NRXN3: variants seen among roughly 807,000 people sequenced by gnomAD.
NRXN3 encodes the protein neurexin 3, also known as neurexin III.
NRXN3 carries 32 observed loss-of-function variants against 137.6 expected under a neutral mutation model. The observed-to-expected ratio is 0.23, with a 90% CI of 0.18 to 0.31. The LOEUF is 0.31. Among genes scored for constraint, NRXN3 ranks in the 10% least tolerant of loss-of-function variants. NRXN3 has a pLI of 1.00. For missense variants in NRXN3, 1,574 were observed against 2,062.5 expected (o/e 0.76, Z 4.59); for synonymous variants, 798 against 784.5 (o/e 1.02, Z -0.29).
intron 16 of NRXN3, among the ~76,000 whole-genome samples, chr14:79,582,014 C>T (rs2097721088): frequency 6.6e-6 from 1 of 152,256 alleles, no homozygotes; most frequent in Admixed American, 6.5e-5. Context: ...TCAGCCTTGG[C>T]CTCCCAGGCT....
In NRXN3 at chr14:79,370,422, G is replaced by A. The variant is rs576229462; in HGVS notation, c.3263-96799G>A. 5.3e-5 allele frequency among the ~76,000 whole-genome samples: 8 copies of A among 150,626 alleles called. No homozygotes were observed. The South Asian group carries it at 6.3e-4, about 12-fold the overall frequency. ...CAACCTCTGCCTCCGGGGTTCAAAC[G>A]ATTCTCCTGCCTCAGCCTCCCGAGT... On this transcript the variant is annotated intron_variant, in intron 15 of 20. Coordinates refer to ENST00000335750, the MANE Select transcript of NRXN3 (RefSeq NM_001330195.2).
chr14:78,759,341 C>T (rs545331097), intron 8 of NRXN3, among the ~76,000 whole-genome samples: 5 of 152,286 alleles, frequency 3.3e-5, no homozygotes, highest in Admixed American at 1.3e-4. Context: ...GCATTATATA[C>T]GATATCTCTT....
intron 10 of NRXN3, among the ~76,000 whole-genome samples, chr14:78,952,485 C>T (rs2099388986): frequency 6.6e-6 from 1 of 152,076 alleles, no homozygotes. Flanking sequence ...GGGAGGATGC[C>T]TAATACAATG....
intron 10 of NRXN3, among the ~76,000 whole-genome samples, chr14:78,843,175 A>G (rs1410484622): frequency 6.6e-6 from 1 of 152,128 alleles, no homozygotes; most frequent in Non-Finnish European, 1.5e-5. Context: ...AGACAAGTGT[A>G]AGAAATTATA....
chr14:79,630,603 G>A (rs1010350252), intron 16 of NRXN3, among the ~76,000 whole-genome samples: 1 of 152,192 alleles, frequency 6.6e-6, no homozygotes, highest in African/African-American at 2.4e-5. Flanking sequence ...CAGAGGAACT[G>A]GTAAGCACTT....
intron 1 of NRXN3, among the ~76,000 whole-genome samples, chr14:78,238,833 G>A (rs182867379): frequency 6.6e-6 from 1 of 152,210 alleles, no homozygotes; most frequent in Non-Finnish European, 1.5e-5. Context: ...GAAGGATGAG[G>A]GACTGAAGGA....
chr14:78,402,607 G>GT (rs2092176716), intron 4 of NRXN3, among the ~76,000 whole-genome samples: 1 of 152,024 alleles, frequency 6.6e-6, no homozygotes, highest in Non-Finnish European at 1.5e-5. Context: ...AACAGTTTAG[G>GT]GTCTACTCTG....
At chr14:79,397,194 G>T (rs961583414) in intron 15 of NRXN3, among the ~76,000 whole-genome samples, 2 of 152,038 alleles carry the variant, frequency 1.3e-5, no homozygotes, top group African/African-American at 4.8e-5. Flanking sequence ...GTTAGCCTGA[G>T]ATTAAATATA....
intron 3 of NRXN3, among the ~76,000 whole-genome samples, chr14:78,281,780 G>C (rs2074444538): frequency 6.6e-6 from 1 of 152,174 alleles, no homozygotes; most frequent in African/African-American, 2.4e-5. Flanking sequence ...GGGAGCTTCA[G>C]TAACTTGCCC....
chr14:79,140,858 C>T (rs570623674), intron 15 of NRXN3, among the ~76,000 whole-genome samples: 1 of 152,214 alleles, frequency 6.6e-6, no homozygotes, highest in South Asian at 2.1e-4. Context: ...CCTTAACTTG[C>T]CCTTAATGCC....
chr14:79,734,682 G>A lies in NRXN3; in HGVS notation c.4014+36745G>A, dbSNP rs142177907. On this transcript the variant is annotated intron_variant, in intron 19 of 20. Transcript: ENST00000335750. Reference sequence around the variant, plus strand: ...CTGATGATGATTATTTTCATTTTTTGAAAATTTAGATTCTCACACTCAATT... The same window carrying A: ...CTGATGATGATTATTTTCATTTTTTAAAAATTTAGATTCTCACACTCAATT... Among the ~76,000 whole-genome samples, 352 of 151,552 alleles carry A rather than the reference G, an allele frequency of 2.3e-3. 11 individuals carry two copies. In the East Asian group the frequency reaches 0.044, roughly 19 times the overall value.
At chr14:79,802,937 G>A (rs769462008) in intron 19 of NRXN3, among the ~76,000 whole-genome samples, 91 of 152,006 alleles carry the variant, frequency 6.0e-4, no homozygotes, top group Non-Finnish European at 1.1e-3. Flanking sequence ...TACACGCGGG[G>A]CTTAATACCT....
intron 15 of NRXN3, among the ~76,000 whole-genome samples, chr14:79,436,229 C>G (rs538052276): frequency 6.6e-6 from 1 of 152,278 alleles, no homozygotes; most frequent in South Asian, 2.1e-4. Context: ...TGATAAAAAG[C>G]ACTTCTTTCT....
At chr14:79,265,791 C>G (rs1423798953) in intron 15 of NRXN3, among the ~76,000 whole-genome samples, 2 of 152,218 alleles carry the variant, frequency 1.3e-5, no homozygotes, top group African/African-American at 2.4e-5. Context: ...GGCTTGCTCT[C>G]TGCCTGAATT....
intron 19 of NRXN3, among the ~76,000 whole-genome samples, chr14:79,724,362 C>T (rs2098866898): frequency 6.6e-6 from 1 of 152,098 alleles, no homozygotes. Context: ...CTCTTTGTAA[C>T]TAGTCCCTTT....
At chr14:79,168,105 T>C (rs557464026) in intron 15 of NRXN3, among the ~76,000 whole-genome samples, 1 of 152,006 alleles carries the variant, frequency 6.6e-6, no homozygotes, top group Non-Finnish European at 1.5e-5. Context: ...AAGGTCACCC[T>C]CCTTATCTCA....
intron 10 of NRXN3, among the ~76,000 whole-genome samples, chr14:78,831,036 ATC>A (rs1292243425): frequency 6.6e-6 from 1 of 152,200 alleles, no homozygotes; most frequent in Non-Finnish European, 1.5e-5. Context: ...TGAGAAATAG[ATC>A]TTGGTCTGAC....
rs556728268 is a variant in NRXN3, at chr14:78,207,965, A to C, written c.-703-34426A>C. On this transcript the variant is annotated intron_variant, in intron 1 of 20. Transcript: ENST00000335750. ...ACTGCCTTGCCTGTAAAATCTCATT[A>C]ATGTAGCCTAGGCAGTGGCTAATAG... Among the ~76,000 whole-genome samples, 14 of 152,268 alleles carry C rather than the reference A, an allele frequency of 9.2e-5. No homozygotes were observed. In the South Asian group the frequency reaches 2.9e-3, roughly 32 times the overall value.
chr14:78,485,456 G>A (rs1394934636), intron 4 of NRXN3, among the ~76,000 whole-genome samples: 1 of 152,154 alleles, frequency 6.6e-6, no homozygotes, highest in Non-Finnish European at 1.5e-5. Context: ...CACTAATTGG[G>A]CACTTCCTGT....
Sources: allele counts gnomAD v4.1 joint callset (sites outside exome capture counted in the v4.1 genomes callset), GRCh38; gene constraint gnomAD v4.1.1; transcripts MANE v1.5; gene names NCBI Gene and HGNC (gene_info 2026-07-23, HGNC 2026-07-21).